Variants in STOX2 observed in about 807,000 individuals in gnomAD.
The protein encoded by STOX2 is storkhead-box protein 2.
Under a neutral mutation model 60.9 loss-of-function variants are expected in STOX2, and 28 were observed. That is an observed-to-expected ratio of 0.46 (90% CI 0.34 to 0.63). The LOEUF is 0.63. Ranked by LOEUF, STOX2 falls within the 30% of genes least tolerant of loss-of-function variation. STOX2 has a pLI of 0.01. For synonymous variants in STOX2, 472 were observed against 463.9 expected (o/e 1.02, Z -0.22); for missense variants, 1,024 against 1,187.7 (o/e 0.86, Z 2.03).
intron 1 of STOX2, among the ~76,000 whole-genome samples, chr4:183,818,964 G>C (rs1739231088): frequency 6.6e-6 from 1 of 151,972 alleles, no homozygotes; most frequent in Non-Finnish European, 1.5e-5. Flanking sequence ...GGGGCAGAGG[G>C]GCTCCTCACA....
Position 183,906,633 on chromosome 4 carries a change from C to T in STOX2, c.-158C>T, listed in dbSNP as rs1016905038. Reference sequence around the variant, plus strand: ...GGGGTGTGGGGGGGCGTGGGGAGGGCCGGACCCGCCGCTGGCGGTGTAGAC... The same window carrying T: ...GGGGTGTGGGGGGGCGTGGGGAGGGTCGGACCCGCCGCTGGCGGTGTAGAC... On this transcript the variant is annotated 5_prime_UTR_variant, in exon 1 of 4. Coordinates refer to ENST00000308497, the MANE Select transcript of STOX2 (RefSeq NM_020225.3). 3.9e-6 allele frequency: 3 copies of T among 777,786 alleles called. No homozygotes were observed. The highest frequency in any genetic ancestry group is 3.6e-5 in the African/African-American group (2 of 55,710). The allele number at this position is 777,786 out of a possible 1,614,324, so 48.2% of individuals were successfully genotyped here. A position where few individuals can be genotyped will look rare whatever the true frequency, so the allele number is the denominator to read the frequency against.
Position 183,966,402 on chromosome 4 carries a change from G to A in STOX2, c.167-34923G>A, listed in dbSNP as rs766904125. On this transcript the variant is annotated intron_variant, in intron 1 of 3. Coordinates refer to ENST00000308497, the MANE Select transcript of STOX2 (RefSeq NM_020225.3). ...TCCCAAAGAGATGGAGAAGTCAACT[G>A]TTTGGAACCAAAAAGCCAAAGCTGG... Among the ~76,000 whole-genome samples, 18 of 152,256 alleles carry A rather than the reference G, an allele frequency of 1.2e-4. 1 individual carries two copies. The highest frequency in any genetic ancestry group is 1.9e-4 in the Non-Finnish European group (13 of 68,042).
chr4:183,987,944 G>A (rs931113717), intron 1 of STOX2: 1 of 152,068 alleles, frequency 6.6e-6, no homozygotes, highest in African/African-American at 2.4e-5. Flanking sequence ...AGTATATGAC[G>A]CCAGATCAAT....
intron 1 of STOX2, among the ~76,000 whole-genome samples, chr4:183,942,313 A>C (rs950406240): frequency 1.3e-5 from 2 of 148,988 alleles, no homozygotes; most frequent in African/African-American, 4.9e-5. Flanking sequence ...CATTATATAT[A>C]TATATATGTG....
intron 1 of STOX2, among the ~76,000 whole-genome samples, chr4:183,798,331 G>C (rs1459174646): frequency 6.6e-6 from 1 of 150,846 alleles, no homozygotes; most frequent in Non-Finnish European, 1.5e-5. Context: ...GCCTGAGGCC[G>C]GCCAGGTGGG....
chr4:183,986,194 T>C (rs1348612285), intron 1 of STOX2, among the ~76,000 whole-genome samples: 1 of 152,276 alleles, frequency 6.6e-6, no homozygotes, highest in East Asian at 1.9e-4. Flanking sequence ...AATGTAGTCA[T>C]AATTTCTAAT....
intron 1 of STOX2, among the ~76,000 whole-genome samples, chr4:183,986,012 G>T (rs749489924): frequency 6.6e-6 from 1 of 152,090 alleles, no homozygotes; most frequent in Admixed American, 6.5e-5. Context: ...TGGAGGCGCT[G>T]GTGCTGGGCC....
At position 183,906,370 on chromosome 4, in the gene STOX2, G is replaced by C. The variant is rs1741603769; in HGVS notation, c.-421G>C. The C allele has an allele frequency of 6.4e-6, 1 of 155,946 alleles. No homozygotes were observed. The highest frequency in any genetic ancestry group is 1.4e-5 in the Non-Finnish European group (1 of 70,952). The allele number at this position is 155,946 out of a possible 1,614,324, so 9.7% of individuals were successfully genotyped here. On this transcript the variant is annotated 5_prime_UTR_variant, in exon 1 of 4. Transcript: ENST00000308497. The stretch of plus-strand genomic sequence containing the variant: ...CTCATTTGTTTGGGTCTTTTGTGCC[G>C]TGGCTCCCAGTTGGCCAAGCACTCC...
At chr4:183,937,786 A>C (rs1288043499) in intron 1 of STOX2, among the ~76,000 whole-genome samples, 1 of 152,230 alleles carries the variant, frequency 6.6e-6, no homozygotes, top group Non-Finnish European at 1.5e-5. Flanking sequence ...TTGACTGAAA[A>C]AAAATTTGGA....
At chr4:183,866,601 C>A (rs916800816) in intron 1 of STOX2, among the ~76,000 whole-genome samples, 1 of 152,130 alleles carries the variant, frequency 6.6e-6, no homozygotes, top group Admixed American at 6.5e-5. Context: ...TGCCAGATCC[C>A]GGCAATGATG....
chr4:183,993,614 A>T lies in STOX2; in HGVS notation c.167-7711A>T, dbSNP rs112900446. On this transcript the variant is annotated intron_variant, in intron 1 of 3. Coordinates refer to ENST00000308497, the MANE Select transcript of STOX2 (RefSeq NM_020225.3). ...GTAAAGCATTAGGAAACATTTTTAA[A>T]GTTGTTATAGAATCTCTAAATATTC... Among the ~76,000 whole-genome samples the T allele has an allele frequency of 3.3e-3, 508 of 152,350 alleles. 3 individuals carry two copies. Among genetic ancestry groups the T allele is most frequent in the African/African-American group, 0.012 (483 of 41,572 alleles).
intron 1 of STOX2, among the ~76,000 whole-genome samples, chr4:183,848,042 A>G (rs1457463538): frequency 6.6e-6 from 1 of 152,234 alleles, no homozygotes; most frequent in Non-Finnish European, 1.5e-5. Flanking sequence ...GCACCAAAAC[A>G]TAATACAGTC....
chr4:183,876,739 G>A (rs774873835), intron 1 of STOX2, among the ~76,000 whole-genome samples: 15 of 152,182 alleles, frequency 9.9e-5, no homozygotes, highest in Non-Finnish European at 1.6e-4. Flanking sequence ...TCACGGCTGC[G>A]CCTCCCACTT....
chr4:183,994,900 A>G (rs1305366208), intron 1 of STOX2, among the ~76,000 whole-genome samples: 1 of 152,238 alleles, frequency 6.6e-6, no homozygotes, highest in Non-Finnish European at 1.5e-5. Context: ...CTTAAAAGGA[A>G]AACAGGATAA....
At chr4:183,829,678 G>A (rs1039135959) in intron 1 of STOX2, among the ~76,000 whole-genome samples, 2 of 152,144 alleles carry the variant, frequency 1.3e-5, no homozygotes, top group South Asian at 4.1e-4. Flanking sequence ...CCCCACCTCA[G>A]GAGTTCACAG....
In STOX2 at chr4:184,011,641, T is replaced by C; in HGVS notation, c.2585+218T>C. Reference sequence around the variant, plus strand: ...GAGATCACCAATCTGGACTGGTGGGTTGGCTCCTCCCCTCAAACTTGCATC... The same window carrying C: ...GAGATCACCAATCTGGACTGGTGGGCTGGCTCCTCCCCTCAAACTTGCATC... On this transcript the variant is annotated intron_variant, in intron 3 of 3. Coordinates refer to ENST00000308497, the MANE Select transcript of STOX2 (RefSeq NM_020225.3). The surrounding 1 kb of genome is among the most constrained non-coding windows in gnomAD (Gnocchi z 4.4). The C allele has an allele frequency of 6.6e-7, 1 of 1,505,898 alleles. No individual in the cohort carries two copies. Among genetic ancestry groups the C allele is most frequent in the Non-Finnish European group, 8.8e-7 (1 of 1,131,218 alleles). The allele number at this position is 1,505,898 out of a possible 1,614,324, so 93.3% of individuals were successfully genotyped here. A position where few individuals can be genotyped will look rare whatever the true frequency, so the allele number is the denominator to read the frequency against.
intron 1 of STOX2, among the ~76,000 whole-genome samples, chr4:183,802,549 T>C (rs888766235): frequency 7.0e-6 from 1 of 143,786 alleles, no homozygotes; most frequent in Non-Finnish European, 1.5e-5. Context: ...AATTTTTAAC[T>C]TTTTTTTTTT....
intron 1 of STOX2, among the ~76,000 whole-genome samples, chr4:183,909,713 G>T (rs572380648): frequency 6.6e-6 from 1 of 152,164 alleles, no homozygotes. Flanking sequence ...CTAGCATCCC[G>T]TACCACACAG....
intron 1 of STOX2, among the ~76,000 whole-genome samples, chr4:183,827,765 C>T (rs1739468430): frequency 6.6e-6 from 1 of 150,956 alleles, no homozygotes; most frequent in Non-Finnish European, 1.5e-5. Context: ...GTCTGTAGTC[C>T]CAGCTGCTCG....
Sources: allele counts gnomAD v4.1 joint callset (sites outside exome capture counted in the v4.1 genomes callset), GRCh38; gene constraint gnomAD v4.1.1; non-coding constraint Gnocchi (gnomAD v3.1); transcripts MANE v1.5; gene names NCBI Gene and HGNC (gene_info 2026-07-23, HGNC 2026-07-21).